HGS: variants seen among roughly 807,000 people sequenced by gnomAD.
HGS encodes hepatocyte growth factor-regulated tyrosine kinase substrate.
Under a neutral mutation model 109.7 loss-of-function variants are expected in HGS, and 63 were observed. That is an observed-to-expected ratio of 0.57 (90% CI 0.47 to 0.71). HGS has a LOEUF of 0.71. HGS is among the 30% of genes least tolerant of loss of function. The pLI, the probability that HGS is intolerant of heterozygous loss-of-function variation, is 0.00. For missense variants in HGS, 995 were observed against 1,068.3 expected, an observed-to-expected ratio of 0.93 and a Z score of 0.96; for synonymous variants, 546 against 437.3, an observed-to-expected ratio of 1.25 and a Z score of -3.10.
Position 81,695,963 on chromosome 17 carries a change from CT to C in HGS, c.1358del (p.Leu453ArgfsTer32). On this transcript the variant is annotated frameshift_variant, in exon 15 of 22. Coordinates refer to ENST00000329138, the MANE Select transcript of HGS (RefSeq NM_004712.5). LOFTEE classifies it high-confidence loss of function. ...FQSINGMHPQ[L>X]LELLNQLDER... Reference sequence around the variant, plus strand: ...GTCCATCAACGGCATGCACCCGCAGCTGCTGGAGCTGCTCAACCAGCTGGAC... The same window carrying C: ...GTCCATCAACGGCATGCACCCGCAGCGCTGGAGCTGCTCAACCAGCTGGAC... 1 of 1,570,238 alleles carries C rather than the reference CT, an allele frequency of 6.4e-7. No individual in the cohort carries two copies. The highest frequency in any genetic ancestry group is 8.7e-7 in the Non-Finnish European group (1 of 1,154,180).
intron 3 of HGS, 109 bp downstream of exon 3, chr17:81,686,496 A>G (rs774092116): frequency 1.5e-5 from 11 of 751,476 alleles, no homozygotes; most frequent in Non-Finnish European, 2.3e-5. Context: ...CTGGGCATAC[A>G]TCAAGCAGGA....
chr17:81,695,935 C>A lies in HGS; in HGVS notation c.1329C>A (p.Phe443Leu), dbSNP rs771267483. 6.3e-7 allele frequency: 1 copy of A among 1,595,766 alleles called. No homozygotes were observed. The highest frequency in any genetic ancestry group is 8.6e-7 in the Non-Finnish European group (1 of 1,168,266). The change falls in exon 15 of 22, where the codon TTC becomes TTA. Residue 443 changes from phenylalanine (F) to leucine (L), a missense_variant. Physicochemically the swap from Phe to Leu is conservative, Grantham distance 22. Coordinates refer to ENST00000329138, the MANE Select transcript of HGS (RefSeq NM_004712.5). ...ITNDSAVLSL[F>L]QSINGMHPQL... ...ATGACTCGGCCGTGCTCTCACTCTT[C>A]CAGTCCATCAACGGCATGCACCCGC... is the stretch of plus-strand genomic sequence containing the variant.
At chr17:81,690,771 C>A (rs964119078) in intron 7 of HGS, 29 bp downstream of exon 7, 2 of 1,596,382 alleles carry the variant, frequency 1.3e-6, no homozygotes, top group Non-Finnish European at 1.7e-6. Context: ...GGCTCTACAG[C>A]CCCGGCCAGA....
At chr17:81,684,436 A>G (rs751895882) in intron 1 of HGS, 6 of 274,892 alleles carry the variant, frequency 2.2e-5, no homozygotes, top group Non-Finnish European at 4.1e-5. Context: ...ACAAGGCCTG[A>G]GTCATGAAAG....
intron 2 of HGS, 182 bp from the exon 3 acceptor site, chr17:81,686,130 C>T (rs1302070313): frequency 2.6e-5 from 15 of 586,580 alleles, no homozygotes; most frequent in East Asian, 2.3e-4. Context: ...GGGTTTTTGC[C>T]GTAATGCACA....
At chr17:81,685,426 G>A (rs2036963187) in intron 1 of HGS, among the ~76,000 whole-genome samples, 179 bp from the exon 2 acceptor site, 1 of 152,156 alleles carries the variant, frequency 6.6e-6, no homozygotes, top group Non-Finnish European at 1.5e-5. Context: ...CTGCTTCCCT[G>A]GGGAGGATGG....
At chr17:81,690,371 C>A in intron 6 of HGS, 137 bp downstream of exon 6, 1 of 924,516 alleles carries the variant, frequency 1.1e-6, no homozygotes. Flanking sequence ...CCTGTGTGTC[C>A]TGGGCGGAGG....
rs895139072 is a variant in HGS at position 81,693,737 on chromosome 17, G to A, written c.825G>A (p.Glu275=). Residue 275 remains glutamate, a synonymous_variant, in exon 10 of 22, where the codon GAG becomes GAA. Transcript: ENST00000329138. ...TGGCGCTGTCACAGTCAGAGGCGGA[G>A]GAGAAGGAGAGGCTGGTAAGCCGGG... ...LALALSQSEA[E]EKERLRQKST... is the part of the protein sequence containing the mutation. 4 of 1,555,154 alleles carry A rather than the reference G, an allele frequency of 2.6e-6. No homozygotes were observed. Among genetic ancestry groups the A allele is most frequent in the Non-Finnish European group, 3.5e-6 (4 of 1,151,122 alleles).
At chr17:81,688,151 T>A (rs2144486894) in intron 4 of HGS, among the ~76,000 whole-genome samples, 1 of 151,730 alleles carries the variant, frequency 6.6e-6, no homozygotes, top group Middle Eastern at 3.4e-3. Context: ...GTCCTGCACG[T>A]CACACCGGGA....
Position 81,691,245 on chromosome 17 carries a change from A to G in HGS, c.538-202A>G. ...CTTTTAACTTACCTTATTTTCCCCAAAACGGTGGCTGGCGTTGAGACTCCC... is the reference window on the plus strand; with the variant it reads ...CTTTTAACTTACCTTATTTTCCCCAGAACGGTGGCTGGCGTTGAGACTCCC... On this transcript the variant is annotated intron_variant, in intron 7 of 21. Transcript: ENST00000329138. The surrounding 1 kb of genome is among the most constrained non-coding windows in gnomAD (Gnocchi z 5.3). 1 of 606,830 alleles carries G rather than the reference A, an allele frequency of 1.6e-6. No individual in the cohort carries two copies. Among genetic ancestry groups the G allele is most frequent in the Admixed American group, 2.9e-5 (1 of 34,564 alleles). 37.6% of individuals were successfully genotyped at this position (606,830 alleles called of 1,614,324 possible). A position where few individuals can be genotyped will look rare whatever the true frequency, so the allele number is the denominator to read the frequency against.
intron 4 of HGS, 111 bp downstream of exon 4, chr17:81,687,206 A>G: frequency 1.3e-6 from 1 of 745,932 alleles, no homozygotes; most frequent in Non-Finnish European, 2.3e-6. Context: ...GAAAATGTGC[A>G]GGTGCAGATC....
chr17:81,688,638 C>T (rs2037018756), intron 4 of HGS, 66 bp from the exon 5 acceptor site: 3 of 1,592,714 alleles, frequency 1.9e-6, no homozygotes, highest in South Asian at 2.3e-5. Flanking sequence ...CCAGCTGCTT[C>T]CTCACACCGA....
chr17:81,688,834 C>A lies in HGS; in HGVS notation c.415+7C>A. ...CAGATCATGAAGGTGGAGGGTGAGT[C>A]AGGACTGAGGTTGGGACCAGGTTGA... On this transcript the variant is annotated splice_region_variant and intron_variant, in intron 5 of 21. Coordinates refer to ENST00000329138, the MANE Select transcript of HGS (RefSeq NM_004712.5). 1.2e-6 allele frequency: 2 copies of A among 1,614,074 alleles called. No homozygotes were observed. Among genetic ancestry groups the A allele is most frequent in the Non-Finnish European group, 1.7e-6 (2 of 1,179,990 alleles).
At position 81,695,021 on chromosome 17, in the gene HGS, C is replaced by T. The variant is rs919592631; in HGVS notation, c.1073C>T (p.Ala358Val). The part of the protein sequence containing the change: ...PSAPVPLTEP[A>V]AQPGEGHAAP... Reference sequence around the variant, plus strand: ...GCGCCCGTGCCCCTGACGGAGCCGGCTGCACAGCCTGGGGAAGGGCACGCA... The same window carrying T: ...GCGCCCGTGCCCCTGACGGAGCCGGTTGCACAGCCTGGGGAAGGGCACGCA... The change falls in exon 13 of 22, where the codon GCT becomes GTT. Residue 358 changes from alanine to valine, a missense_variant. By Grantham distance (64) the Ala-to-Val change is moderately conservative (BLOSUM62 0). Coordinates refer to ENST00000329138, the MANE Select transcript of HGS (RefSeq NM_004712.5). The T allele has an allele frequency of 3.7e-6, 6 of 1,613,916 alleles. No individual in the cohort carries two copies. Among genetic ancestry groups the T allele is most frequent in the African/African-American group, 2.7e-5 (2 of 74,948 alleles).
At chr17:81,690,143 A>G in intron 5 of HGS, 39 bp from the exon 6 acceptor site, 2 of 1,600,174 alleles carry the variant, frequency 1.2e-6, no homozygotes, top group Non-Finnish European at 1.7e-6. Flanking sequence ...CTTGCAGGCC[A>G]GGTGGGAGCA....
rs541552569 is a variant in HGS at position 81,696,450 on chromosome 17, G to A, written c.1487G>A (p.Arg496His). The A allele has an allele frequency of 2.9e-5, 45 of 1,544,602 alleles. No individual in the cohort carries two copies. Among genetic ancestry groups the A allele is most frequent in the Non-Finnish European group, 3.4e-5 (39 of 1,147,148 alleles). Residue 496 changes from arginine (R) to histidine (H), a missense_variant, in exon 16 of 22, where the codon CGC becomes CAC. Physicochemically the swap from Arg to His is conservative, Grantham distance 29. Transcript: ENST00000329138. ...ALREEHREKL[R>H]RAAEEAERQR... is the part of the protein sequence containing the mutation. ...CGCGAAGAGCACCGGGAGAAGCTTC[G>A]CCGGGCAGCCGAGGAGGCAGAGCGC...
chr17:81,701,037 C>A lies in HGS; in HGVS notation c.2137-8C>A. 1.9e-6 allele frequency: 3 copies of A among 1,613,052 alleles called. No homozygotes were observed. The highest frequency in any genetic ancestry group is 2.5e-6 in the Non-Finnish European group (3 of 1,179,144). ...TACTCTCTCACATCTGACGTCTTCT[C>A]ACAACAGAATCTCATGACCACCCTC... On this transcript the variant is annotated splice_polypyrimidine_tract_variant and splice_region_variant and intron_variant, in intron 20 of 21. Coordinates refer to ENST00000329138, the MANE Select transcript of HGS (RefSeq NM_004712.5).
At position 81,701,679 on chromosome 17, in the gene HGS, C is replaced by A; in HGVS notation, c.*61C>A. On this transcript the variant is annotated 3_prime_UTR_variant, in exon 22 of 22. Transcript: ENST00000329138. ...ACAGTTCACCTGAAACGCCTCGTCT[C>A]TAACTGCCGTCGTCCTGCCTCCCTG... The A allele has an allele frequency of 6.6e-7, 1 of 1,507,574 alleles. No homozygotes were observed. Among genetic ancestry groups the A allele is most frequent in the Non-Finnish European group, 8.9e-7 (1 of 1,124,576 alleles). The allele number at this position is 1,507,574 out of a possible 1,614,324, so 93.4% of individuals were successfully genotyped here. A position where few individuals can be genotyped will look rare whatever the true frequency, so the allele number is the denominator to read the frequency against.
rs541687124 is a variant in HGS, at chr17:81,691,074, C to G, written c.537+332C>G. On this transcript the variant is annotated intron_variant, in intron 7 of 21. Transcript: ENST00000329138. This position sits in a 1 kb window ranked among gnomAD's most constrained non-coding sequence, Gnocchi z 5.3. ...CTTAGCCCATCTGGATTCTTACCCTCGAGGCATCTTCACATCAAAACCCCC... is the reference window on the plus strand; with the variant it reads ...CTTAGCCCATCTGGATTCTTACCCTGGAGGCATCTTCACATCAAAACCCCC... The G allele has an allele frequency of 2.2e-6, 1 of 445,346 alleles. No homozygotes were observed. Among genetic ancestry groups the G allele is most frequent in the Non-Finnish European group, 4.1e-6 (1 of 245,934 alleles). The allele number at this position is 445,346 out of a possible 1,614,324, so 27.6% of individuals were successfully genotyped here. A position where few individuals can be genotyped will look rare whatever the true frequency, so the allele number is the denominator to read the frequency against.
Sources: allele counts gnomAD v4.1 joint callset (sites outside exome capture counted in the v4.1 genomes callset), GRCh38; gene constraint gnomAD v4.1.1; non-coding constraint Gnocchi (gnomAD v3.1); transcripts MANE v1.5; gene names NCBI Gene and HGNC (gene_info 2026-07-23, HGNC 2026-07-21).